ENTHD1: variants seen among roughly 807,000 people sequenced by gnomAD.
ENTHD1 encodes ENTH domain containing 1.
Under a neutral mutation model 39.1 loss-of-function variants are expected in ENTHD1, and 23 were observed. That is an observed-to-expected ratio of 0.59 (90% confidence interval 0.42 to 0.83). The LOEUF (loss-of-function observed/expected upper bound fraction) is 0.83, where lower values mean the gene tolerates loss of function less well. Among genes scored for constraint, ENTHD1 ranks in the 40% least tolerant of loss-of-function variants. The pLI is 0.00. For synonymous variants in ENTHD1, 230 were observed against 258.2 expected (o/e 0.89, Z 1.05); for missense variants, 624 against 705.4 (o/e 0.88, Z 1.31).
At chr22:39,891,739 C>T (rs1046287350) in intron 1 of ENTHD1, among the ~76,000 whole-genome samples, 1 of 152,006 alleles carries the variant, frequency 6.6e-6, no homozygotes, top group Non-Finnish European at 1.5e-5. Context: ...CTGCCTCAGC[C>T]TCCCAAGTAG....
chr22:39,846,081 T>C (rs2065985849), intron 3 of ENTHD1, among the ~76,000 whole-genome samples: 1 of 152,180 alleles, frequency 6.6e-6, no homozygotes, highest in Non-Finnish European at 1.5e-5. Flanking sequence ...AAGGACAGTT[T>C]CTTTGATAAG....
chr22:39,866,524 A>G (rs188937642), intron 2 of ENTHD1, among the ~76,000 whole-genome samples: 1 of 152,368 alleles, frequency 6.6e-6, no homozygotes, highest in East Asian at 1.9e-4. Context: ...AGAAGAGGTA[A>G]CATGGCTGAG....
chr22:39,767,525 C>T (rs530355465), intron 5 of ENTHD1, among the ~76,000 whole-genome samples: 4 of 152,204 alleles, frequency 2.6e-5, no homozygotes, highest in African/African-American at 9.6e-5. Flanking sequence ...TACTAGATTA[C>T]TAGATTTATG....
intron 5 of ENTHD1, among the ~76,000 whole-genome samples, chr22:39,799,336 C>T (rs1324410120): frequency 6.6e-6 from 1 of 152,170 alleles, no homozygotes; most frequent in Non-Finnish European, 1.5e-5. Flanking sequence ...CCATGGGCAG[C>T]CTCCCTAGTG....
chr22:39,854,882 A>C (rs1020180268), intron 3 of ENTHD1, among the ~76,000 whole-genome samples: 3 of 152,212 alleles, frequency 2.0e-5, no homozygotes, highest in African/African-American at 7.2e-5. Context: ...TAAATAACTT[A>C]GAGACATCTT....
intron 5 of ENTHD1, among the ~76,000 whole-genome samples, chr22:39,809,200 A>G (rs552691195): frequency 6.6e-6 from 1 of 152,358 alleles, no homozygotes; most frequent in South Asian, 2.1e-4. Context: ...AAAGCAGCCT[A>G]TATACCTAGA....
chr22:39,843,851 G>T (rs1370064322), intron 3 of ENTHD1, among the ~76,000 whole-genome samples: 1 of 152,114 alleles, frequency 6.6e-6, no homozygotes, highest in Non-Finnish European at 1.5e-5. Context: ...CCCAGAGGAG[G>T]ATTCAGTTGA....
Position 39,766,754 on chromosome 22 carries a change from T to A in ENTHD1, c.833-1145A>T, listed in dbSNP as rs1601580170. 4.6e-5 allele frequency among the ~76,000 whole-genome samples: 7 copies of A among 152,210 alleles called. No individual in the cohort carries two copies. In the South Asian group the frequency reaches 1.4e-3, roughly 31 times the overall value. ...GAAAAGAAACTTTTCTTTGTCTCTA[T>A]AAAGCTTCCTTTTCATTTTCATCTG... On this transcript the variant is annotated intron_variant, in intron 5 of 6. Coordinates refer to ENST00000325157, the MANE Select transcript of ENTHD1 (RefSeq NM_152512.4).
At chr22:39,887,182 A>T (rs1457580201) in intron 2 of ENTHD1, among the ~76,000 whole-genome samples, 1 of 152,148 alleles carries the variant, frequency 6.6e-6, no homozygotes, top group African/African-American at 2.4e-5. Flanking sequence ...CCTAATCTTT[A>T]TTGGCACATG....
intron 5 of ENTHD1, among the ~76,000 whole-genome samples, chr22:39,809,066 A>G (rs900705188): frequency 2.0e-5 from 3 of 152,230 alleles, no homozygotes; most frequent in African/African-American, 4.8e-5. Context: ...CAATGCTCTG[A>G]TGATTGATAT....
chr22:39,814,295 C>CAAAAAAAAAAAAAAAAAAAAAAAAA (rs77915572), intron 5 of ENTHD1, among the ~76,000 whole-genome samples: 2 of 97,708 alleles, frequency 2.0e-5, no homozygotes, highest in Non-Finnish European at 4.4e-5. Flanking sequence ...CCCATCTCTA[C>CAAAAAAAAAAAAAAAAAAAAAAAAA]AAAAAAAAAA....
rs1028369418 is a variant in ENTHD1, at chr22:39,747,641, G to A, written c.1220-3358C>T. On this transcript the variant is annotated intron_variant, in intron 6 of 6. Transcript: ENST00000325157. ...TTGATGGATATGCTAATCTTTACCCGAAAAGAGATGGTAGAAGGATGAGAG... is the reference window on the plus strand; with the variant it reads ...TTGATGGATATGCTAATCTTTACCCAAAAAGAGATGGTAGAAGGATGAGAG... Among the ~76,000 whole-genome samples the A allele has an allele frequency of 3.3e-5, 5 of 152,064 alleles. No individual in the cohort carries two copies. In the East Asian group the frequency reaches 9.6e-4, roughly 29 times the overall value.
chr22:39,890,129 A>C (rs906113703), intron 1 of ENTHD1, among the ~76,000 whole-genome samples: 2 of 150,366 alleles, frequency 1.3e-5, no homozygotes, highest in Non-Finnish European at 3.0e-5. Flanking sequence ...TAAATAAATA[A>C]ATAAATAAAT....
rs1196476954 is a variant in ENTHD1 at position 39,851,004 on chromosome 22, C to A, written c.592+10761G>T. 2.0e-5 allele frequency among the ~76,000 whole-genome samples: 3 copies of A among 151,970 alleles called. No individual in the cohort carries two copies. The East Asian group carries it at 5.8e-4, about 29-fold the overall frequency. The stretch of plus-strand genomic sequence containing the variant: ...TAATTTTCCTCTTTTTGAAGTATAC[C>A]CTTTAATGCAGGTCTCATGGTTGTA... On this transcript the variant is annotated intron_variant, in intron 3 of 6. Transcript: ENST00000325157.
chr22:39,828,349 C>T (rs1006315151), intron 4 of ENTHD1, among the ~76,000 whole-genome samples: 1 of 152,012 alleles, frequency 6.6e-6, no homozygotes, highest in Non-Finnish European at 1.5e-5. Flanking sequence ...ATAAAAAAAA[C>T]CTTTTAAGCA....
chr22:39,808,719 T>C (rs952345113), intron 5 of ENTHD1, among the ~76,000 whole-genome samples: 4 of 152,324 alleles, frequency 2.6e-5, no homozygotes, highest in Middle Eastern at 3.4e-3. Flanking sequence ...AATATTCTTT[T>C]AATTATCACA....
At chr22:39,831,741 G>A (rs1161779344) in intron 4 of ENTHD1, among the ~76,000 whole-genome samples, 2 of 151,968 alleles carry the variant, frequency 1.3e-5, no homozygotes, top group African/African-American at 4.8e-5. Context: ...CAGGAGAATC[G>A]CTTGAACCCC....
At chr22:39,861,199 C>T (rs1168094619) in intron 3 of ENTHD1, among the ~76,000 whole-genome samples, 1 of 152,158 alleles carries the variant, frequency 6.6e-6, no homozygotes, top group African/African-American at 2.4e-5. Flanking sequence ...ACCTTAAAAG[C>T]TCAAAAACAT....
chr22:39,853,978 G>A (rs572030049), intron 3 of ENTHD1, among the ~76,000 whole-genome samples: 1 of 152,310 alleles, frequency 6.6e-6, no homozygotes, highest in African/African-American at 2.4e-5. Flanking sequence ...CAGGGTCACA[G>A]GTGGCTGGAG....
Sources: allele counts gnomAD v4.1 joint callset (sites outside exome capture counted in the v4.1 genomes callset), GRCh38; gene constraint gnomAD v4.1.1; transcripts MANE v1.5; gene names NCBI Gene and HGNC (gene_info 2026-07-23, HGNC 2026-07-21).